TAF6L: variants seen among roughly 807,000 people sequenced by gnomAD.
TAF6L encodes TAF6-like RNA polymerase II p300/CBP-associated factor-associated factor 65 kDa subunit 6L.
Under a neutral mutation model 57.3 loss-of-function variants are expected in TAF6L, and 34 were observed. That is an observed-to-expected ratio of 0.59 (90% CI 0.45 to 0.79). The LOEUF (loss-of-function observed/expected upper bound fraction) is 0.79. Among genes scored for constraint, TAF6L ranks in the 30% least tolerant of loss-of-function variants. The probability of loss-of-function intolerance (pLI) is 0.00; values close to 1 mark genes in which losing one functional copy is unlikely to be tolerated. For missense variants in TAF6L, 782 were observed against 853.2 expected, an observed-to-expected ratio of 0.92 and a Z score of 1.04; for synonymous variants, 417 against 376.3, an observed-to-expected ratio of 1.11 and a Z score of -1.25.
chr11:62,773,471 G>T (rs1385737562), intron 1 of TAF6L, among the ~76,000 whole-genome samples: 2 of 148,724 alleles, frequency 1.3e-5, no homozygotes, highest in Admixed American at 1.3e-4. Flanking sequence ...TTTTGAGACG[G>T]AGTTTTCCCC....
intron 1 of TAF6L, among the ~76,000 whole-genome samples, chr11:62,775,236 C>G (rs772860229): frequency 2.6e-5 from 4 of 152,090 alleles, no homozygotes; most frequent in Non-Finnish European, 4.4e-5. Flanking sequence ...GGGAAAAGCT[C>G]TTTATAAAAC....
At position 62,786,780 on chromosome 11, in the gene TAF6L, C is replaced by T; in HGVS notation, c.1353C>T (p.Ser451=). 6.2e-7 allele frequency: 1 copy of T among 1,612,022 alleles called. No homozygotes were observed. The change falls in exon 11 of 11, where the codon AGC becomes AGT. Residue 451 remains serine, a synonymous_variant. Coordinates refer to ENST00000294168, the MANE Select transcript of TAF6L (RefSeq NM_006473.4). ...AGCTCTACGCCTTCTTCGGTGACAGCTTGGCCACACGCTTTGGCACCGGCC... is the reference window on the plus strand; with the variant it reads ...AGCTCTACGCCTTCTTCGGTGACAGTTTGGCCACACGCTTTGGCACCGGCC... ...YRELYAFFGD[S]LATRFGTGQP...
rs367692111 is a variant in TAF6L at position 62,778,404 on chromosome 11, A to G, written c.436+69A>G. ...CCCTTAGGTTCTGAGGGTGGTGCCT[A>G]TGTGCCCCCGAGTCTGCGTCTAACA... On this transcript the variant is annotated intron_variant, in intron 5 of 10. Transcript: ENST00000294168. 52 of 1,571,968 alleles carry G rather than the reference A, an allele frequency of 3.3e-5. 1 individual carries two copies. Among genetic ancestry groups the G allele is most frequent in the Middle Eastern group, 3.3e-4 (2 of 6,004 alleles).
rs778397934 is a variant in TAF6L, at chr11:62,778,033, G to T, written c.290G>T (p.Gly97Val). The T allele has an allele frequency of 6.2e-7, 1 of 1,614,188 alleles. No homozygotes were observed. The highest frequency in any genetic ancestry group is 8.5e-7 in the Non-Finnish European group (1 of 1,180,044). The part of the protein sequence containing the change: ...EALPMRPARE[G>V]ELYFPEDREV... ...CTGCCCATGCGCCCCGCCAGGGAGG[G>T]TGAACTCTACTTTCCTGAGGATCGA... The change falls in exon 4 of 11, where the codon GGT becomes GTT. Residue 97 changes from glycine to valine, a missense_variant. Physicochemically the swap from Gly to Val is moderately radical, Grantham distance 109. This residue lies in a region of TAF6L where 220 missense variants were observed against 252.1 expected (regional missense o/e 0.87). Coordinates refer to ENST00000294168, the MANE Select transcript of TAF6L (RefSeq NM_006473.4).
Position 62,778,861 on chromosome 11 carries a change from T to C in TAF6L, c.437-8T>C, listed in dbSNP as rs369306412. On this transcript the variant is annotated splice_region_variant and splice_polypyrimidine_tract_variant and intron_variant, in intron 5 of 10. Coordinates refer to ENST00000294168, the MANE Select transcript of TAF6L (RefSeq NM_006473.4). ...ACCTGTCCCTGCTTCCTGCCTGTCC[T>C]CTGGCAGTGCCCAGTGCTGTGTCTT... 1.7e-5 allele frequency: 28 copies of C among 1,613,590 alleles called. No homozygotes were observed. The African/African-American group carries it at 3.1e-4, about 18-fold the overall frequency.
intron 2 of TAF6L, 145 bp from the exon 3 acceptor site, chr11:62,776,239 C>T (rs2084187248): frequency 4.9e-6 from 4 of 809,982 alleles, no homozygotes; most frequent in South Asian, 1.7e-5. Flanking sequence ...TGTTTTTGTA[C>T]AGGAGCAGAG....
At chr11:62,775,558 A>C (rs2084180036) in intron 1 of TAF6L, 2 of 526,932 alleles carry the variant, frequency 3.8e-6, no homozygotes, top group East Asian at 6.4e-5. Flanking sequence ...GTGAACCCCA[A>C]CACTTTGGAC....
chr11:62,774,746 A>G (rs1175536564), intron 1 of TAF6L: 3 of 442,340 alleles, frequency 6.8e-6, no homozygotes, highest in South Asian at 3.1e-5. Context: ...AAGCCCAGCT[A>G]CTATCCAGCC....
chr11:62,783,268 G>A (rs533789946), intron 9 of TAF6L, among the ~76,000 whole-genome samples: 13 of 152,234 alleles, frequency 8.5e-5, no homozygotes, highest in Admixed American at 5.2e-4. Context: ...GGATCACAAG[G>A]TCAGGAGATC....
intron 10 of TAF6L, 58 bp downstream of exon 10, chr11:62,786,446 C>G: frequency 6.3e-7 from 1 of 1,597,468 alleles, no homozygotes; most frequent in Non-Finnish European, 8.6e-7. Context: ...GCCAAGCAGG[C>G]TTACTTTGGA....
Position 62,786,918 on chromosome 11 carries a change from C to T in TAF6L, c.1491C>T (p.His497=), listed in dbSNP as rs751757058. ...CGGCAAGCGCCATAGTCAGCCCGCACGGCGACGAGAGCCCCCGGGGCAGCG... is the reference window on the plus strand; with the variant it reads ...CGGCAAGCGCCATAGTCAGCCCGCATGGCGACGAGAGCCCCCGGGGCAGCG... ...QLTASAIVSP[H]GDESPRGSGG... Residue 497 remains histidine (H), a synonymous_variant, in exon 11 of 11, where the codon CAC becomes CAT. Coordinates refer to ENST00000294168, the MANE Select transcript of TAF6L (RefSeq NM_006473.4). 3.3e-6 allele frequency: 5 copies of T among 1,495,548 alleles called. No individual in the cohort carries two copies. The African/African-American group carries it at 5.8e-5, about 17-fold the overall frequency. The allele number at this position is 1,495,548 out of a possible 1,614,324, so 92.6% of individuals were successfully genotyped here. A position where few individuals can be genotyped will look rare whatever the true frequency, so the allele number is the denominator to read the frequency against.
chr11:62,771,866 C>T (rs1232484124), intron 1 of TAF6L: 2 of 305,362 alleles, frequency 6.5e-6, no homozygotes, highest in African/African-American at 4.4e-5. Flanking sequence ...GGACTAAATG[C>T]TCCCATTTTA....
At chr11:62,776,015 T>G (rs79899241) in intron 2 of TAF6L, 85 bp downstream of exon 2, 1 of 1,474,890 alleles carries the variant, frequency 6.8e-7, no homozygotes, top group Non-Finnish European at 9.1e-7. Context: ...TTTATTCAAG[T>G]GTACACTGGG....
At chr11:62,774,658 GCTATA>G (rs1308021972) in intron 1 of TAF6L, 1 of 455,100 alleles carries the variant, frequency 2.2e-6, no homozygotes. Context: ...TTCTTATTGT[GCTATA>G]CCCTGTGAAC....
At chr11:62,781,839 T>G in intron 6 of TAF6L, 55 bp from the exon 7 acceptor site, 1 of 1,454,350 alleles carries the variant, frequency 6.9e-7, no homozygotes, top group Non-Finnish European at 9.7e-7. Flanking sequence ...GAATACCGCA[T>G]TCATGTTTTA....
chr11:62,773,008 A>AT (rs1283108341), intron 1 of TAF6L, among the ~76,000 whole-genome samples: 2 of 138,874 alleles, frequency 1.4e-5, no homozygotes, highest in South Asian at 2.3e-4. Context: ...CTCCTGGGTA[A>AT]TTTTTTGTAT....
At chr11:62,783,216 C>T (rs991036374) in intron 9 of TAF6L, among the ~76,000 whole-genome samples, 1 of 152,208 alleles carries the variant, frequency 6.6e-6, no homozygotes, top group South Asian at 2.1e-4. Flanking sequence ...GGCGCAGTGG[C>T]TCACGCCTGT....
At chr11:62,783,530 AG>A (rs1243847591) in intron 9 of TAF6L, among the ~76,000 whole-genome samples, 1 of 145,376 alleles carries the variant, frequency 6.9e-6, no homozygotes, top group Non-Finnish European at 1.5e-5. Context: ...ATTAAGAGGG[AG>A]GATCTTTTTT....
At chr11:62,776,542 A>G in intron 3 of TAF6L, 72 bp downstream of exon 3, 1 of 1,489,844 alleles carries the variant, frequency 6.7e-7, no homozygotes, top group South Asian at 1.1e-5. Flanking sequence ...AGGGCTGGCG[A>G]TGTGGTGAGA....
Sources: allele counts gnomAD v4.1 joint callset (sites outside exome capture counted in the v4.1 genomes callset), GRCh38; gene constraint gnomAD v4.1.1; regional missense constraint gnomAD v4.1.1; transcripts MANE v1.5; gene names NCBI Gene and HGNC (gene_info 2026-07-23, HGNC 2026-07-21).